Variants in WASF3 observed in about 807,000 individuals in gnomAD.
WASF3 encodes actin-binding protein WASF3.
A neutral mutation model predicts 46.6 loss-of-function variants in WASF3; 11 were observed. The observed-to-expected ratio is 0.24, with a 90% CI of 0.15 to 0.39. WASF3 has a LOEUF of 0.39. Ranked by LOEUF, WASF3 falls within the 10% of genes least tolerant of loss-of-function variation. The pLI is 1.00. For missense variants in WASF3, 576 were observed against 669.8 expected (o/e 0.86, Z 1.55); for synonymous variants, 242 against 259.7 (o/e 0.93, Z 0.65).
chr13:26,626,541 C>T (rs1881468235), intron 2 of WASF3, among the ~76,000 whole-genome samples: 1 of 152,044 alleles, frequency 6.6e-6, no homozygotes, highest in Non-Finnish European at 1.5e-5. Context: ...GCCACATCAA[C>T]AATTACATTG....
chr13:26,636,484 G>A (rs914101471), intron 2 of WASF3, among the ~76,000 whole-genome samples: 6 of 152,152 alleles, frequency 3.9e-5, no homozygotes, highest in South Asian at 4.1e-4. Flanking sequence ...GCAATGCCCC[G>A]CCCTGCTTTG....
intron 1 of WASF3, among the ~76,000 whole-genome samples, chr13:26,605,398 T>C (rs1880763211): frequency 6.6e-6 from 1 of 152,206 alleles, no homozygotes; most frequent in Admixed American, 6.5e-5. Flanking sequence ...CTCATGCTTG[T>C]GTGGCACTTA....
intron 1 of WASF3, among the ~76,000 whole-genome samples, chr13:26,578,272 G>A (rs970283608): frequency 6.6e-6 from 1 of 152,154 alleles, no homozygotes; most frequent in Non-Finnish European, 1.5e-5. Flanking sequence ...TTGTTTTCTT[G>A]TAGACGACTT....
At chr13:26,582,565 T>G (rs1243979288) in intron 1 of WASF3, among the ~76,000 whole-genome samples, 1 of 150,382 alleles carries the variant, frequency 6.6e-6, no homozygotes, top group Admixed American at 6.7e-5. Context: ...TAGTCCCAGT[T>G]ACTCGGGAGG....
At chr13:26,654,858 C>T in intron 3 of WASF3, among the ~76,000 whole-genome samples, 1 of 152,026 alleles carries the variant, frequency 6.6e-6, no homozygotes. Flanking sequence ...GCATGTGTTG[C>T]TTTTATAGGA....
intron 1 of WASF3, among the ~76,000 whole-genome samples, chr13:26,561,059 C>T (rs1879279165): frequency 6.6e-6 from 1 of 152,076 alleles, no homozygotes; most frequent in African/African-American, 2.4e-5. Context: ...ACCAGGAGTT[C>T]AGTCCAGTGG....
upstream of WASF3, among the ~76,000 whole-genome samples, chr13:26,556,275 T>A (rs1309543666): frequency 6.6e-6 from 1 of 152,176 alleles, no homozygotes; most frequent in Non-Finnish European, 1.5e-5. Context: ...TTGAAAACAC[T>A]CTGGGTATCT....
chr13:26,616,933 A>G (rs1032642243), intron 2 of WASF3, among the ~76,000 whole-genome samples: 4 of 152,356 alleles, frequency 2.6e-5, no homozygotes, highest in South Asian at 2.1e-4. Flanking sequence ...AGATTCAATG[A>G]TGAAAATGCT....
chr13:26,666,782 C>T (rs1157396528), intron 4 of WASF3, among the ~76,000 whole-genome samples: 3 of 148,556 alleles, frequency 2.0e-5, no homozygotes, highest in Non-Finnish European at 1.5e-5. Flanking sequence ...GCCTGTAGTC[C>T]CAGCTACTCG....
At chr13:26,672,615 ATTAGAC>A (rs1593182717) in intron 6 of WASF3, among the ~76,000 whole-genome samples, 1 of 152,364 alleles carries the variant, frequency 6.6e-6, no homozygotes, top group East Asian at 1.9e-4. Context: ...GGGCCCAGAA[ATTAGAC>A]TTAGGCCACT....
At chr13:26,663,529 A>G (rs1168982482) in intron 3 of WASF3, among the ~76,000 whole-genome samples, 1 of 152,228 alleles carries the variant, frequency 6.6e-6, no homozygotes, top group Admixed American at 6.5e-5. Flanking sequence ...AAGAGAAGCA[A>G]TTTAATGCTT....
intron 5 of WASF3, among the ~76,000 whole-genome samples, chr13:26,668,038 T>G (rs1436518296): frequency 6.6e-6 from 1 of 152,178 alleles, no homozygotes; most frequent in Non-Finnish European, 1.5e-5. Flanking sequence ...TCATTTATAA[T>G]GCAGCAAAAT....
rs1389959789 is a variant in WASF3 at position 26,630,804 on chromosome 13, C to T, written c.-10-11457C>T. 2.0e-5 allele frequency among the ~76,000 whole-genome samples: 3 copies of T among 152,230 alleles called. No homozygotes were observed. The East Asian group carries it at 5.8e-4, about 29-fold the overall frequency. On this transcript the variant is annotated intron_variant, in intron 2 of 9. Transcript: ENST00000335327. ...GTGTAAAAGCATTGCTATTTCTCCA[C>T]ATCCTCTCCAGCATATGTTGTTTCC... is the stretch of plus-strand genomic sequence containing the variant.
intron 1 of WASF3, among the ~76,000 whole-genome samples, chr13:26,573,442 C>A (rs994102419): frequency 3.9e-5 from 6 of 151,976 alleles, no homozygotes; most frequent in African/African-American, 1.4e-4. Context: ...TTATCCTTTG[C>A]TGTGCAGAAG....
chr13:26,562,980 C>G (rs1281493622), intron 1 of WASF3, among the ~76,000 whole-genome samples: 1 of 150,818 alleles, frequency 6.6e-6, no homozygotes, highest in African/African-American at 2.4e-5. Context: ...TTAAGAACAC[C>G]TTTTGTCTTC....
the WASF3 span, among the ~76,000 whole-genome samples, chr13:26,549,122 C>T: frequency 6.6e-6 from 1 of 151,912 alleles, no homozygotes; most frequent in Non-Finnish European, 1.5e-5. Flanking sequence ...GCTGGGATTA[C>T]AGAGACGCAC....
intron 8 of WASF3, 144 bp downstream of exon 8, chr13:26,681,464 A>G (rs1883229674): frequency 1.9e-5 from 20 of 1,036,468 alleles, no homozygotes; most frequent in East Asian, 2.6e-5. Context: ...CAACTCTAAC[A>G]TTCTGTGTGA....
In WASF3 at chr13:26,648,794, A is replaced by G. The variant is rs375243164; in HGVS notation, c.133+6391A>G. ...AAAAGTAATGTATACTTAGGAAACT[A>G]GAAGATAGAAGTTCTGTCAGCAGGA... is the stretch of plus-strand genomic sequence containing the variant. On this transcript the variant is annotated intron_variant, in intron 3 of 9. Coordinates refer to ENST00000335327, the MANE Select transcript of WASF3 (RefSeq NM_006646.6). Among the ~76,000 whole-genome samples the G allele has an allele frequency of 7.2e-4, 109 of 152,310 alleles. 2 individuals are homozygous for G. In the South Asian group the frequency reaches 0.022, roughly 31 times the overall value.
intron 3 of WASF3, among the ~76,000 whole-genome samples, chr13:26,644,250 C>T (rs1882083919): frequency 6.6e-6 from 1 of 152,220 alleles, no homozygotes; most frequent in Non-Finnish European, 1.5e-5. Flanking sequence ...TCTGCCCGTA[C>T]ATTAGTTTTA....
Sources: gnomAD v4.1 joint callset for allele counts (sites outside exome capture counted in the v4.1 genomes callset) on GRCh38, gnomAD v4.1.1 for gene constraint, MANE v1.5 for transcripts, NCBI Gene and HGNC (gene_info 2026-07-23, HGNC 2026-07-21) for gene names.